Variants in PRCC observed in about 807,000 individuals in gnomAD.
PRCC encodes the protein proline-rich protein PRCC.
A neutral mutation model predicts 44.0 loss-of-function variants in PRCC; 10 were observed. That is an observed-to-expected ratio of 0.23 (90% CI 0.14 to 0.39). PRCC has a LOEUF of 0.39. PRCC is among the 10% of genes least tolerant of loss of function. The pLI is 1.00. For synonymous variants in PRCC, 278 were observed against 259.5 expected (o/e 1.07, Z -0.69); for missense variants, 573 against 624.7 (o/e 0.92, Z 0.88).
At position 156,791,770 on chromosome 1, in the gene PRCC, C is replaced by T. The variant is rs772417983; in HGVS notation, c.1157C>T (p.Ala386Val). Reference sequence around the variant, plus strand: ...CCCCCCCAGGAAATTGCCCCAGATGCCTCCTTCATCGATGACGAAGCAGTA... The same window carrying T: ...CCCCCCCAGGAAATTGCCCCAGATGTCTCCTTCATCGATGACGAAGCAGTA... The part of the protein sequence containing the change: ...LVPPQEIAPD[A>V]SFIDDEAFKR... Residue 386 changes from alanine (A) to valine (V), a missense_variant, in exon 4 of 7, where the codon GCC becomes GTC. Ala to Val is a moderately conservative substitution (Grantham distance 64). Transcript: ENST00000271526. The T allele has an allele frequency of 5.6e-6, 9 of 1,613,768 alleles. 1 individual carries two copies. The South Asian group carries it at 8.8e-5, about 16-fold the overall frequency.
At chr1:156,783,945 T>TA (rs1413376039) in intron 2 of PRCC, among the ~76,000 whole-genome samples, 3 of 134,210 alleles carry the variant, frequency 2.2e-5, no homozygotes, top group Non-Finnish European at 3.2e-5. Flanking sequence ...TTTATTTATT[T>TA]AATTTTTTTT....
intron 4 of PRCC, 28 bp from the exon 5 acceptor site, chr1:156,794,637 C>G: frequency 6.2e-6 from 10 of 1,613,222 alleles, no homozygotes; most frequent in Non-Finnish European, 8.5e-6. Flanking sequence ...GCCCAGATTC[C>G]TGACTCCTGC....
Position 156,800,706 on chromosome 1 carries a change from G to A in PRCC, c.*246G>A, listed in dbSNP as rs1034148095. 4.8e-6 allele frequency: 2 copies of A among 418,294 alleles called. No individual in the cohort carries two copies. Among genetic ancestry groups the A allele is most frequent in the Non-Finnish European group, 8.7e-6 (2 of 230,082 alleles). The allele number at this position is 418,294 out of a possible 1,614,324, so 25.9% of individuals were successfully genotyped here. On this transcript the variant is annotated 3_prime_UTR_variant, in exon 7 of 7. Coordinates refer to ENST00000271526, the MANE Select transcript of PRCC (RefSeq NM_005973.5). ...CCGAAGGGGCTCTGAGTTCTGGGGT[G>A]GGAGTTTTGCTCTCTGTCAGGTGTG...
At position 156,768,171 on chromosome 1, in the gene PRCC, G is replaced by A; in HGVS notation, c.400G>A (p.Gly134Arg). Reference sequence around the variant, plus strand: ...AATTGGCGGTGCCGGTCCCCCGCTGGGGCTTCCCAAGCCAAAGAAGAGGAA... The same window carrying A: ...AATTGGCGGTGCCGGTCCCCCGCTGAGGCTTCCCAAGCCAAAGAAGAGGAA... ...PPIGGAGPPL[G>R]LPKPKKRKEP... The change falls in exon 1 of 7, where the codon GGG becomes AGG. Residue 134 changes from glycine (G) to arginine (R), a missense_variant. By Grantham distance (125) the Gly-to-Arg change is moderately radical (BLOSUM62 -2). Coordinates refer to ENST00000271526, the MANE Select transcript of PRCC (RefSeq NM_005973.5). 8 of 1,553,260 alleles carry A rather than the reference G, an allele frequency of 5.2e-6. No homozygotes were observed. Among genetic ancestry groups the A allele is most frequent in the Non-Finnish European group, 6.1e-6 (7 of 1,149,016 alleles).
chr1:156,788,727 A>G (rs1033731511), intron 3 of PRCC, among the ~76,000 whole-genome samples: 10 of 136,758 alleles, frequency 7.3e-5, no homozygotes, highest in Non-Finnish European at 3.0e-5. Context: ...CAATGGTGCG[A>G]TCTCAGCTCG....
chr1:156,779,129 T>TATCTA (rs1491456608), intron 1 of PRCC, among the ~76,000 whole-genome samples: 1 of 16,388 alleles, frequency 6.1e-5, no homozygotes, highest in Admixed American at 1.5e-3. Flanking sequence ...TATATATATA[T>TATCTA]TTTTTTTTTT....
intron 1 of PRCC, among the ~76,000 whole-genome samples, chr1:156,779,122 ATATATATTTTTTTTTT>A (rs1651942481): frequency 5.1e-5 from 1 of 19,706 alleles, no homozygotes; most frequent in South Asian, 2.1e-3. Context: ...ATATATATAT[ATATATATTTTTTTTTT>A]TTTTTTTTTT....
intron 6 of PRCC, among the ~76,000 whole-genome samples, chr1:156,797,879 C>A (rs2777929): frequency 6.6e-6 from 1 of 152,034 alleles, no homozygotes; most frequent in East Asian, 1.9e-4. Flanking sequence ...ACAGTTGACC[C>A]TTGACCAACA....
intron 1 of PRCC, among the ~76,000 whole-genome samples, chr1:156,776,898 A>G (rs1470336883): frequency 1.3e-5 from 2 of 152,198 alleles, no homozygotes. Context: ...GTAAGGAGCA[A>G]TGAGAGTTAG....
rs1173437450 is a variant in PRCC at position 156,787,446 on chromosome 1, GATTGATATATATATATAT to G, written c.1083+275_1083+292del. Among the ~76,000 whole-genome samples, 700 of 111,768 alleles carry G rather than the reference GATTGATATATATATATAT, an allele frequency of 6.3e-3. 9 individuals carry two copies. The highest frequency in any genetic ancestry group is 0.025 in the South Asian group (90 of 3,566). 73.3% of individuals were successfully genotyped at this position (111,768 alleles called of 152,430 possible). On this transcript the variant is annotated intron_variant, in intron 3 of 6. Transcript: ENST00000271526. ...ATCCATAATATTTGTACATATTTGT[GATTGATATATATATATAT>G]ATATATATATATATATATATATATA... is the stretch of plus-strand genomic sequence containing the variant.
intron 1 of PRCC, among the ~76,000 whole-genome samples, chr1:156,779,128 ATTTTTTTTTTTT>A (rs869088692): frequency 5.0e-4 from 18 of 35,878 alleles, no homozygotes; most frequent in East Asian, 2.2e-3. Flanking sequence ...ATATATATAT[ATTTTTTTTTTTT>A]TTTTTTTTTT....
At position 156,767,878 on chromosome 1, in the gene PRCC, G is replaced by A. The variant is rs750560253; in HGVS notation, c.107G>A (p.Gly36Glu). The A allele has an allele frequency of 6.2e-7, 1 of 1,606,168 alleles. No homozygotes were observed. The highest frequency in any genetic ancestry group is 1.1e-5 in the South Asian group (1 of 89,356). The stretch of plus-strand genomic sequence containing the variant: ...GCTCCTACATCTGGGCCCGCTTTAG[G>A]GGGCTTGTTCGCTTCTCTCCCTGCG... ...AVAPTSGPAL[G>E]GLFASLPAPK... Residue 36 changes from glycine to glutamate, a missense_variant, in exon 1 of 7, where the codon GGG becomes GAG. Gly to Glu is a moderately conservative substitution (Grantham distance 98). Coordinates refer to ENST00000271526, the MANE Select transcript of PRCC (RefSeq NM_005973.5).
Position 156,791,103 on chromosome 1 carries a change from G to C in PRCC, c.1084-594G>C. 2.8e-6 allele frequency: 4 copies of C among 1,416,170 alleles called. No homozygotes were observed. The South Asian group carries it at 4.5e-5, about 16-fold the overall frequency. 87.7% of individuals were successfully genotyped at this position (1,416,170 alleles called of 1,614,324 possible). ...ACATCTGGGCCACTCGCCTCTAAGG[G>C]GAATCATGAGATTCCTGAACTCAAA... On this transcript the variant is annotated intron_variant, in intron 3 of 6. Coordinates refer to ENST00000271526, the MANE Select transcript of PRCC (RefSeq NM_005973.5).
chr1:156,782,767 A>G (rs148500046), intron 2 of PRCC, among the ~76,000 whole-genome samples: 623 of 152,316 alleles, frequency 4.1e-3, no homozygotes, highest in Middle Eastern at 6.8e-3. Flanking sequence ...CTAGCATTTA[A>G]TTGATTTCAT....
intron 1 of PRCC, among the ~76,000 whole-genome samples, chr1:156,776,167 G>A (rs1211280345): frequency 3.9e-5 from 6 of 152,272 alleles, no homozygotes; most frequent in Non-Finnish European, 5.9e-5. Flanking sequence ...ATCAGCCTGC[G>A]CAACAGAGTG....
In PRCC at chr1:156,798,070, A is replaced by G. The variant is rs184268174; in HGVS notation, c.1389+729A>G. Among the ~76,000 whole-genome samples, 5 of 152,038 alleles carry G rather than the reference A, an allele frequency of 3.3e-5. No homozygotes were observed. The East Asian group carries it at 9.7e-4, about 29-fold the overall frequency. ...ATGATCCTCCTACCTCAGTCTCCTA[A>G]GTAGCTGGGACCACAGGTGTGTGCC... On this transcript the variant is annotated intron_variant, in intron 6 of 6. Transcript: ENST00000271526.
intron 1 of PRCC, among the ~76,000 whole-genome samples, chr1:156,773,124 A>T (rs549832798): frequency 6.6e-6 from 1 of 152,280 alleles, no homozygotes; most frequent in South Asian, 2.1e-4. Context: ...GCAAATGGGG[A>T]TAACAGTAGT....
Position 156,778,170 on chromosome 1 carries a change from C to CT in PRCC, c.469-4111dup, listed in dbSNP as rs142960572. 5.9e-3 allele frequency among the ~76,000 whole-genome samples: 901 copies of CT among 152,292 alleles called. 10 individuals are homozygous for CT. Among genetic ancestry groups the CT allele is most frequent in the African/African-American group, 0.02 (842 of 41,552 alleles). On this transcript the variant is annotated intron_variant, in intron 1 of 6. Transcript: ENST00000271526. ...AAACCCTCAGACGTATTCTTCCTGT[C>CT]TGAGATTTTGTGCCCTTTTACCATC... is the stretch of plus-strand genomic sequence containing the variant.
At chr1:156,776,326 C>T (rs11264547) in intron 1 of PRCC, among the ~76,000 whole-genome samples, 2 of 152,104 alleles carry the variant, frequency 1.3e-5, no homozygotes, top group African/African-American at 4.8e-5. Flanking sequence ...GCTGTAATTG[C>T]GCCACTCTAC....
Sources: allele counts gnomAD v4.1 joint callset (sites outside exome capture counted in the v4.1 genomes callset), GRCh38; gene constraint gnomAD v4.1.1; transcripts MANE v1.5; gene names NCBI Gene and HGNC (gene_info 2026-07-23, HGNC 2026-07-21).